The following ADCY7 variants were observed in gnomAD, a reference collection of about 807,000 sequenced individuals.
ADCY7 encodes adenylate cyclase 7.
ADCY7 carries 72 observed loss-of-function variants against 120.6 expected under a neutral mutation model. That is an observed-to-expected ratio of 0.60 (90% CI 0.49 to 0.73). ADCY7 has a LOEUF of 0.73. ADCY7 is among the 30% of genes least tolerant of loss of function. The probability of loss-of-function intolerance (pLI) is 0.00; values close to 1 mark genes in which losing one functional copy is unlikely to be tolerated. For missense variants in ADCY7, 1,227 were observed against 1,486.0 expected, an observed-to-expected ratio of 0.83 and a Z score of 2.87; for synonymous variants, 661 against 628.0, an observed-to-expected ratio of 1.05 and a Z score of -0.78.
Position 50,287,997 on chromosome 16 carries a change from C to A in ADCY7, c.-183C>A. The A allele has an allele frequency of 1.7e-6, 1 of 593,394 alleles. No individual in the cohort carries two copies. The highest frequency in any genetic ancestry group is 2.8e-6 in the Non-Finnish European group (1 of 359,436). 36.8% of individuals were successfully genotyped at this position (593,394 alleles called of 1,614,324 possible). A position where few individuals can be genotyped will look rare whatever the true frequency, so the allele number is the denominator to read the frequency against. On this transcript the variant is annotated 5_prime_UTR_variant, in exon 2 of 26. The change creates a new upstream start codon in the 5' untranslated region. Transcript: ENST00000673801. ...CAGTGAGTGAGGCCTGGTGCCAGAG[C>A]TGTGCGGACCCCTTGTTGGCCATGG...
At chr16:50,312,008 G>A (rs781537093) in intron 20 of ADCY7, 28 bp from the exon 21 acceptor site, 11 of 1,612,584 alleles carry the variant, frequency 6.8e-6, no homozygotes, top group East Asian at 4.5e-5. Flanking sequence ...GCCTGTGGAC[G>A]GGGCGCTTAT....
intron 8 of ADCY7, among the ~76,000 whole-genome samples, chr16:50,299,462 C>T (rs759416073): frequency 1.3e-5 from 2 of 152,186 alleles, no homozygotes; most frequent in South Asian, 2.1e-4. Context: ...GCGGGGAGAC[C>T]CCCCGCTCCC....
chr16:50,311,259 G>C lies in ADCY7; in HGVS notation c.2354+379G>C, dbSNP rs538428939. On this transcript the variant is annotated intron_variant, in intron 19 of 25. Coordinates refer to ENST00000673801, the MANE Select transcript of ADCY7 (RefSeq NM_001114.5). ...AGGGCTGGGGTGTGTGGTTCTAGGG[G>C]TTCTGGGTCCCAAGTGGATTAAGGA... Among the ~76,000 whole-genome samples, 6 of 152,258 alleles carry C rather than the reference G, an allele frequency of 3.9e-5. No homozygotes were observed. The South Asian group carries it at 1.2e-3, about 32-fold the overall frequency.
At chr16:50,300,551 G>C (rs1567565512) in intron 8 of ADCY7, among the ~76,000 whole-genome samples, 164 bp from the exon 9 acceptor site, 2 of 152,170 alleles carry the variant, frequency 1.3e-5, no homozygotes, top group South Asian at 4.1e-4. Context: ...GGGGCACTCA[G>C]CTCTTCCTGA....
intron 1 of ADCY7, among the ~76,000 whole-genome samples, chr16:50,267,914 A>C (rs1405463667): frequency 6.6e-6 from 1 of 151,928 alleles, no homozygotes; most frequent in African/African-American, 2.4e-5. Context: ...TTCGCTTCCC[A>C]CCCAGTTGTC....
rs989156804 is a variant in ADCY7 at position 50,290,328 on chromosome 16, G to A, written c.172-129G>A. On this transcript the variant is annotated intron_variant, in intron 2 of 25. Transcript: ENST00000673801. ...CAGAAGGTGAGTGGGAACCAGGTGT[G>A]GGAGGGTGCATCCACACCCTTCACG... 4.2e-6 allele frequency: 4 copies of A among 962,538 alleles called. No homozygotes were observed. The African/African-American group carries it at 6.5e-5, about 16-fold the overall frequency. The allele number at this position is 962,538 out of a possible 1,614,324, so 59.6% of individuals were successfully genotyped here.
chr16:50,304,356 G>C lies in ADCY7; in HGVS notation c.1369-4G>C. 6.6e-7 allele frequency: 1 copy of C among 1,503,988 alleles called. No homozygotes were observed. Among genetic ancestry groups the C allele is most frequent in the Non-Finnish European group, 8.9e-7 (1 of 1,123,818 alleles). 93.2% of individuals were successfully genotyped at this position (1,503,988 alleles called of 1,614,324 possible). A position where few individuals can be genotyped will look rare whatever the true frequency, so the allele number is the denominator to read the frequency against. On this transcript the variant is annotated splice_polypyrimidine_tract_variant and splice_region_variant and intron_variant, in intron 10 of 25. Coordinates refer to ENST00000673801, the MANE Select transcript of ADCY7 (RefSeq NM_001114.5). ...CACAGGCCCATGTCCATGTCTGCCC[G>C]CAGAGCCAGCAGCCACCCCCGCCCA...
chr16:50,311,570 C>T, intron 19 of ADCY7, 123 bp from the exon 20 acceptor site: 55 of 541,324 alleles, frequency 1.0e-4, no homozygotes, highest in South Asian at 1.7e-4. Context: ...GTCTTGTTTT[C>T]TACCCACCCC....
At chr16:50,257,919 AT>A (rs1219056906) in intron 1 of ADCY7, among the ~76,000 whole-genome samples, 3 of 151,592 alleles carry the variant, frequency 2.0e-5, no homozygotes, top group Non-Finnish European at 4.4e-5. Context: ...ATTTTTTTGT[AT>A]TTTTTGTAGA....
rs138266745 is a variant in ADCY7 at position 50,270,387 on chromosome 16, C to T, written c.-269+3707C>T. On this transcript the variant is annotated intron_variant, in intron 1 of 25. Coordinates refer to ENST00000673801, the MANE Select transcript of ADCY7 (RefSeq NM_001114.5). ...AGAACTGGACTGTGCTCTGGTCCGGCGGCACGGGTTCCAGCTCTGTTCTGC... is the reference window on the plus strand; with the variant it reads ...AGAACTGGACTGTGCTCTGGTCCGGTGGCACGGGTTCCAGCTCTGTTCTGC... Among the ~76,000 whole-genome samples, 48 of 152,306 alleles carry T rather than the reference C, an allele frequency of 3.2e-4. No individual in the cohort carries two copies. The Middle Eastern group carries it at 0.01, about 32-fold the overall frequency.
At chr16:50,246,006 G>C (rs1470764241), upstream of ADCY7, 1 of 150,810 alleles carries the variant, frequency 6.6e-6, no homozygotes, top group South Asian at 1.8e-4. Flanking sequence ...CGCTTGCAGG[G>C]TGGACGCGGC....
rs907471609 is a variant in ADCY7, at chr16:50,312,763, C to A, written c.2605-127C>A. 79 of 652,514 alleles carry A rather than the reference C, an allele frequency of 1.2e-4. No individual in the cohort carries two copies. In the African/African-American group the frequency reaches 1.2e-3, roughly 10 times the overall value. The allele number at this position is 652,514 out of a possible 1,614,324, so 40.4% of individuals were successfully genotyped here. A position where few individuals can be genotyped will look rare whatever the true frequency, so the allele number is the denominator to read the frequency against. ...CACCAGATGAAACTCATGCAGCCCG[C>A]CCCCCTCCCCACTCCCCGAAAGCTG... On this transcript the variant is annotated intron_variant, in intron 21 of 25. Transcript: ENST00000673801.
At chr16:50,294,618 TC>T in intron 6 of ADCY7, 21 bp from the exon 7 acceptor site, 2 of 809,300 alleles carry the variant, frequency 2.5e-6, no homozygotes, top group Non-Finnish European at 4.3e-6. Flanking sequence ...TGACACTCCC[TC>T]CCACCCTGCC....
chr16:50,294,445 G>T (rs999054834), intron 6 of ADCY7, among the ~76,000 whole-genome samples, 195 bp from the exon 7 acceptor site: 1 of 152,182 alleles, frequency 6.6e-6, no homozygotes, highest in Non-Finnish European at 1.5e-5. Context: ...CTGCTTTAAC[G>T]TGAAGCCCCT....
chr16:50,311,149 T>C (rs1175155772), intron 19 of ADCY7, among the ~76,000 whole-genome samples: 4 of 152,186 alleles, frequency 2.6e-5, no homozygotes, highest in African/African-American at 9.7e-5. Flanking sequence ...TCTGTGCCTC[T>C]CAAGGCCACA....
upstream of ADCY7, among the ~76,000 whole-genome samples, chr16:50,245,819 G>C (rs2032562566): frequency 6.6e-6 from 1 of 152,112 alleles, no homozygotes; most frequent in Non-Finnish European, 1.5e-5. Flanking sequence ...GGGTGGGGCC[G>C]GCCTGGCGCT....
At chr16:50,245,906 C>T (rs565397019), upstream of ADCY7, among the ~76,000 whole-genome samples, 107 of 149,666 alleles carry the variant, frequency 7.1e-4, 1 homozygote, top group African/African-American at 2.6e-3. Context: ...CGAGCTTGCC[C>T]GGCCGCTCCC....
intron 21 of ADCY7, 140 bp downstream of exon 21, chr16:50,312,331 T>G (rs1365311359): frequency 1.1e-6 from 1 of 931,738 alleles, no homozygotes; most frequent in African/African-American, 1.6e-5. Flanking sequence ...CAGGCGACAA[T>G]GTATGGCATC....
chr16:50,292,024 A>C (rs1385551159), intron 4 of ADCY7, 127 bp downstream of exon 4: 1 of 1,075,954 alleles, frequency 9.3e-7, no homozygotes, highest in African/African-American at 1.6e-5. Flanking sequence ...GCCCGCTCCA[A>C]GGCCGGGCCC....
Sources: allele counts gnomAD v4.1 joint callset (sites outside exome capture counted in the v4.1 genomes callset), GRCh38; gene constraint gnomAD v4.1.1; transcripts MANE v1.5; gene names NCBI Gene and HGNC (gene_info 2026-07-23, HGNC 2026-07-21).